Variants in TMEM71 observed in about 807,000 individuals in gnomAD.
The protein encoded by TMEM71 is transmembrane protein 71.
Under a neutral mutation model 38.0 loss-of-function variants are expected in TMEM71, and 44 were observed. The ratio of observed to expected loss-of-function variants is 1.16; its 90% CI spans 0.91 to 1.49. The LOEUF is 1.49. Ranked by LOEUF, TMEM71 falls within the 40% of genes most tolerant of loss-of-function variation. The pLI, the probability that TMEM71 is intolerant of heterozygous loss-of-function variation, is 0.00. For missense variants in TMEM71, 367 were observed against 348.6 expected, an observed-to-expected ratio of 1.05 and a Z score of -0.42; for synonymous variants, 133 against 122.5, an observed-to-expected ratio of 1.09 and a Z score of -0.56.
intron 5 of TMEM71, among the ~76,000 whole-genome samples, chr8:132,741,114 C>T (rs1828008997): frequency 1.3e-5 from 2 of 152,190 alleles, no homozygotes; most frequent in South Asian, 2.1e-4. Flanking sequence ...CCTGTAATCC[C>T]AGCACTTTGG....
intron 5 of TMEM71, among the ~76,000 whole-genome samples, chr8:132,742,357 A>G (rs1828092037): frequency 6.6e-6 from 1 of 152,204 alleles, no homozygotes. Context: ...CCTGGGTGAC[A>G]GAGCGAGACT....
chr8:132,749,270 G>T lies in TMEM71; in HGVS notation c.315-2156C>A, dbSNP rs1056596913. On this transcript the variant is annotated intron_variant, in intron 4 of 9. Coordinates refer to ENST00000677595, the MANE Select transcript of TMEM71 (RefSeq NM_001382403.1). ...GGCTGAAATCTAAACAGGAGGTGAT[G>T]GTGGCCTGAATGAAGAAAATAGCTA... Among the ~76,000 whole-genome samples, 4 of 152,232 alleles carry T rather than the reference G, an allele frequency of 2.6e-5. No individual in the cohort carries two copies. In the East Asian group the frequency reaches 5.8e-4, roughly 22 times the overall value.
At chr8:132,728,087 C>T in intron 5 of TMEM71, 101 bp from the exon 6 acceptor site, 1 of 877,306 alleles carries the variant, frequency 1.1e-6, no homozygotes, top group Non-Finnish European at 1.7e-6. Flanking sequence ...TCCTAATAAT[C>T]ACAAAAATAG....
intron 6 of TMEM71, among the ~76,000 whole-genome samples, chr8:132,723,279 CT>C (rs1358313102): frequency 1.3e-5 from 2 of 152,210 alleles, no homozygotes; most frequent in African/African-American, 4.8e-5. Context: ...TTAGCCTCCC[CT>C]GATTTCATGT....
At chr8:132,746,021 GGA>G (rs1828321425) in intron 5 of TMEM71, among the ~76,000 whole-genome samples, 1 of 144,054 alleles carries the variant, frequency 6.9e-6, no homozygotes, top group African/African-American at 2.6e-5. Flanking sequence ...ACTAGATGGG[GGA>G]GAGAGAGAAG....
At chr8:132,768,237 G>A in the TMEM71 span, among the ~76,000 whole-genome samples, 28 of 152,266 alleles carry the variant, frequency 1.8e-4, no homozygotes, top group South Asian at 2.1e-3. Context: ...TTTCCACATC[G>A]TTAAATTCAT....
intron 6 of TMEM71, 40 bp downstream of exon 6, chr8:132,727,758 T>G: frequency 6.6e-7 from 1 of 1,514,302 alleles, no homozygotes; most frequent in Non-Finnish European, 8.9e-7. Flanking sequence ...AAAGGAAGAA[T>G]TCTTTGGGTG....
At chr8:132,746,832 T>C in intron 5 of TMEM71, 110 bp downstream of exon 5, 1 of 844,680 alleles carries the variant, frequency 1.2e-6, no homozygotes, top group Non-Finnish European at 1.8e-6. Context: ...GGCCCATCTC[T>C]CCATCAAAAT....
intron 9 of TMEM71, among the ~76,000 whole-genome samples, chr8:132,711,843 G>A (rs748601118): frequency 6.6e-6 from 1 of 152,096 alleles, no homozygotes; most frequent in Non-Finnish European, 1.5e-5. Context: ...GTGTGTGTTG[G>A]GGGGAGGGTG....
chr8:132,763,372 TAA>T (rs1388555714), upstream of TMEM71, among the ~76,000 whole-genome samples: 1 of 152,224 alleles, frequency 6.6e-6, no homozygotes, highest in Non-Finnish European at 1.5e-5. Flanking sequence ...GGTTATCAAT[TAA>T]TGTTTGTGGA....
chr8:132,775,793 G>A, the TMEM71 span: 2 of 228,572 alleles, frequency 8.7e-6, no homozygotes, highest in Non-Finnish European at 1.7e-5. Flanking sequence ...GGGCGCCGCA[G>A]CTCCCTCTTC....
upstream of TMEM71, among the ~76,000 whole-genome samples, chr8:132,762,160 A>G (rs1829308646): frequency 6.6e-6 from 1 of 152,222 alleles, no homozygotes; most frequent in Non-Finnish European, 1.5e-5. Flanking sequence ...GCCATCTGTC[A>G]TTGCTGACTC....
intron 5 of TMEM71, among the ~76,000 whole-genome samples, chr8:132,738,186 A>G (rs1351327781): frequency 6.6e-6 from 1 of 152,210 alleles, no homozygotes; most frequent in African/African-American, 2.4e-5. Context: ...GTAGAGGATC[A>G]GAGAGGTTAG....
intron 5 of TMEM71, among the ~76,000 whole-genome samples, chr8:132,739,100 T>A (rs1187957695): frequency 6.6e-6 from 1 of 152,204 alleles, no homozygotes; most frequent in East Asian, 1.9e-4. Context: ...AGGAAGCAGA[T>A]TAAGAAAAAT....
chr8:132,724,508 G>A (rs539027804), intron 6 of TMEM71, among the ~76,000 whole-genome samples: 8 of 152,222 alleles, frequency 5.3e-5, no homozygotes, highest in Admixed American at 3.9e-4. Flanking sequence ...GCCCGACCCC[G>A]CAGGCAGTCA....
Position 132,727,827 on chromosome 8 carries a change from C to T in TMEM71, c.647G>A (p.Arg216His), listed in dbSNP as rs575676317. The change falls in exon 6 of 10, where the codon CGT becomes CAT. Residue 216 changes from arginine to histidine, a missense_variant. Transcript: ENST00000677595. ...SLQSQLTASE[R>H]FQENSSDHSE... ...ATGATCCGAACTATTCTCTTGGAAA[C>T]GTTCAGAAGCTGTCAACTGGGACTG... 34 of 1,612,444 alleles carry T rather than the reference C, an allele frequency of 2.1e-5. No individual in the cohort carries two copies. Among genetic ancestry groups the T allele is most frequent in the South Asian group, 8.8e-5 (8 of 90,852 alleles).
At chr8:132,754,768 T>C (rs1230468911) in intron 3 of TMEM71, among the ~76,000 whole-genome samples, 2 of 152,334 alleles carry the variant, frequency 1.3e-5, no homozygotes, top group Non-Finnish European at 2.9e-5. Flanking sequence ...GTCATACAAA[T>C]ATGTTATCCC....
intron 5 of TMEM71, among the ~76,000 whole-genome samples, chr8:132,739,134 CTT>C (rs1413424756): frequency 3.3e-5 from 5 of 152,154 alleles, no homozygotes; most frequent in Admixed American, 1.3e-4. Context: ...TTATTATACA[CTT>C]AAGTTAATAG....
intron 5 of TMEM71, among the ~76,000 whole-genome samples, chr8:132,746,483 A>G (rs1828385748): frequency 1.3e-4 from 2 of 15,412 alleles, no homozygotes; most frequent in South Asian, 6.8e-3. Context: ...ATACATATAT[A>G]TATACATATA....
Sources: allele counts gnomAD v4.1 joint callset (sites outside exome capture counted in the v4.1 genomes callset), GRCh38; gene constraint gnomAD v4.1.1; transcripts MANE v1.5; gene names NCBI Gene and HGNC (gene_info 2026-07-23, HGNC 2026-07-21).